SUMF1: variants seen among roughly 807,000 people sequenced by gnomAD.
SUMF1 encodes the protein sulfatase modifying factor 1.
Under a neutral mutation model 47.6 loss-of-function variants are expected in SUMF1, and 48 were observed. That is an observed-to-expected ratio of 1.01 (90% CI 0.80 to 1.28). The LOEUF (loss-of-function observed/expected upper bound fraction) is 1.28, where lower values mean the gene tolerates loss of function less well. Among genes scored for constraint, SUMF1 ranks in the 50% most tolerant of loss-of-function variants. The pLI is 0.00. For missense variants in SUMF1, 571 were observed against 485.4 expected, an observed-to-expected ratio of 1.18 and a Z score of -1.66; for synonymous variants, 230 against 192.1, an observed-to-expected ratio of 1.20 and a Z score of -1.63.
chr3:4,133,054 G>A (rs114977095), intron 8 of SUMF1, among the ~76,000 whole-genome samples: 60 of 152,272 alleles, frequency 3.9e-4, no homozygotes, highest in Non-Finnish European at 7.4e-4. Context: ...TTGGAATAAC[G>A]TAGTCATTAA....
At position 4,452,838 on chromosome 3, in the gene SUMF1, A is replaced by G. The variant is rs776348521; in HGVS notation, c.444+38T>C. 12 of 1,613,384 alleles carry G rather than the reference A, an allele frequency of 7.4e-6. No homozygotes were observed. The African/African-American group carries it at 1.6e-4, about 22-fold the overall frequency. ...TTAAAGCATTCTTAAAAGTTCTGGAAAAGAACAAGTTCTCCCTCCTTTCCC... is the reference window on the plus strand; with the variant it reads ...TTAAAGCATTCTTAAAAGTTCTGGAGAAGAACAAGTTCTCCCTCCTTTCCC... On this transcript the variant is annotated intron_variant, in intron 2 of 8. Transcript: ENST00000272902.
Position 4,268,142 on chromosome 3 carries a change from A to T in SUMF1, c.1014+108188T>A, listed in dbSNP as rs1356374067. ...TCAGTAAACTATGTCAAGAACAAAA[A>T]ACCAAACACCGCATATTCTCACTCA... On this transcript the variant is annotated intron_variant and NMD_transcript_variant, in intron 8 of 12. Transcript: ENST00000448413. Among the ~76,000 whole-genome samples, 4 of 152,314 alleles carry T rather than the reference A, an allele frequency of 2.6e-5. 1 individual carries two copies. Among genetic ancestry groups the T allele is most frequent in the South Asian group, 4.1e-4 (2 of 4,822 alleles).
chr3:4,219,454 T>C (rs1415624130), intron 8 of SUMF1, among the ~76,000 whole-genome samples: 1 of 152,184 alleles, frequency 6.6e-6, no homozygotes, highest in East Asian at 1.9e-4. Context: ...CTGTGCCAGA[T>C]GTTTGCACAC....
At chr3:4,303,533 G>A (rs1218367555) in intron 8 of SUMF1, 1 of 1,371,558 alleles carries the variant, frequency 7.3e-7, no homozygotes, top group Admixed American at 4.1e-5. Context: ...CCAGGTAGGG[G>A]CGGGGCCAGG....
intron 8 of SUMF1, among the ~76,000 whole-genome samples, chr3:4,265,317 A>G (rs1322021703): frequency 1.3e-5 from 2 of 152,120 alleles, no homozygotes; most frequent in Admixed American, 1.3e-4. Flanking sequence ...TTTAGCTTAG[A>G]GATCACAAAC....
chr3:4,461,367 G>A (rs1011856021), intron 1 of SUMF1, among the ~76,000 whole-genome samples: 3 of 152,142 alleles, frequency 2.0e-5, no homozygotes, highest in Non-Finnish European at 4.4e-5. Flanking sequence ...TCAGACAAAA[G>A]TTTCAAGAGC....
intron 7 of SUMF1, among the ~76,000 whole-genome samples, chr3:4,380,894 T>G (rs978041434): frequency 1.3e-5 from 2 of 152,122 alleles, no homozygotes; most frequent in African/African-American, 4.8e-5. Context: ...TTAAAACACC[T>G]GGGAGGGCAT....
At chr3:4,325,632 T>C (rs73809513) in intron 8 of SUMF1, among the ~76,000 whole-genome samples, 1,723 of 143,560 alleles carry the variant, frequency 0.012, 37 homozygotes, top group African/African-American at 0.044. Context: ...CACACACACA[T>C]ATATGCATAG....
intron 8 of SUMF1, among the ~76,000 whole-genome samples, chr3:4,136,414 C>A (rs1179103966): frequency 3.3e-5 from 5 of 152,002 alleles, no homozygotes; most frequent in Non-Finnish European, 5.9e-5. Context: ...AACTGGCTAG[C>A]CATATGTAGA....
chr3:4,458,418 T>C (rs1317752458), intron 1 of SUMF1, among the ~76,000 whole-genome samples: 1 of 151,616 alleles, frequency 6.6e-6, no homozygotes, highest in Non-Finnish European at 1.5e-5. Context: ...GCTGAAAAAA[T>C]ATCTACACTC....
At chr3:4,164,502 G>A (rs1000879285) in intron 8 of SUMF1, among the ~76,000 whole-genome samples, 1 of 152,164 alleles carries the variant, frequency 6.6e-6, no homozygotes, top group Non-Finnish European at 1.5e-5. Flanking sequence ...GGACATGGGC[G>A]AGGGGGCAGC....
chr3:4,294,781 T>C (rs1440549133), intron 8 of SUMF1, among the ~76,000 whole-genome samples: 1 of 152,070 alleles, frequency 6.6e-6, no homozygotes, highest in Non-Finnish European at 1.5e-5. Context: ...AAACATGACA[T>C]GGAAACAGCA....
chr3:4,234,689 G>C (rs1034258814), intron 8 of SUMF1, among the ~76,000 whole-genome samples: 8 of 152,056 alleles, frequency 5.3e-5, no homozygotes, highest in African/African-American at 1.9e-4. Flanking sequence ...TTAGTGTTAA[G>C]GAAGTATTTG....
At chr3:4,337,674 G>A (rs1405097386) in intron 8 of SUMF1, among the ~76,000 whole-genome samples, 1 of 152,112 alleles carries the variant, frequency 6.6e-6, no homozygotes, top group Non-Finnish European at 1.5e-5. Flanking sequence ...TGCATAGTAG[G>A]TGGATACAGA....
intron 8 of SUMF1, among the ~76,000 whole-genome samples, chr3:4,178,149 C>G (rs899205007): frequency 6.6e-6 from 1 of 152,118 alleles, no homozygotes; most frequent in African/African-American, 2.4e-5. Context: ...TGGAACTATT[C>G]CAATCAATAG....
chr3:4,336,540 T>C (rs1699157032), intron 8 of SUMF1, among the ~76,000 whole-genome samples: 1 of 152,248 alleles, frequency 6.6e-6, no homozygotes, highest in African/African-American at 2.4e-5. Flanking sequence ...AAGTTTAACT[T>C]TCCCTTTGGC....
intron 9 of SUMF1, among the ~76,000 whole-genome samples, chr3:4,037,048 A>G (rs1694813672): frequency 6.6e-6 from 1 of 152,128 alleles, no homozygotes; most frequent in Admixed American, 6.6e-5. Context: ...GTGTATCACC[A>G]CAGGAGGAGA....
At position 4,073,816 on chromosome 3, in the gene SUMF1, C is replaced by T. The variant is rs188355806; in HGVS notation, c.1015-5071G>A. 1.2e-3 allele frequency among the ~76,000 whole-genome samples: 182 copies of T among 152,292 alleles called. 1 individual carries two copies. Among genetic ancestry groups the T allele is most frequent in the Admixed American group, 6.7e-3 (102 of 15,300 alleles). ...ATCCTAAATATACATGCACCCAATA[C>T]AGGAGCACCCAGATTCATAAAGCAA... On this transcript the variant is annotated intron_variant and NMD_transcript_variant, in intron 8 of 12. Coordinates refer to the SUMF1 transcript ENST00000448413.
intron 9 of SUMF1, among the ~76,000 whole-genome samples, chr3:4,040,906 C>T (rs1164226958): frequency 2.0e-5 from 3 of 152,104 alleles, no homozygotes; most frequent in African/African-American, 7.2e-5. Context: ...TCCCCATAAC[C>T]AAAAGTGTTC....
Sources: allele counts gnomAD v4.1 joint callset (sites outside exome capture counted in the v4.1 genomes callset), GRCh38; gene constraint gnomAD v4.1.1; transcripts MANE v1.5; gene names NCBI Gene and HGNC (gene_info 2026-07-23, HGNC 2026-07-21).